Variants in GULP1 observed in about 807,000 individuals in gnomAD.
GULP1 encodes the protein GULP PTB domain containing engulfment adaptor 1.
Under a neutral mutation model 40.9 loss-of-function variants are expected in GULP1, and 19 were observed. The observed-to-expected ratio is 0.46, with a 90% CI of 0.32 to 0.68. GULP1 has a LOEUF of 0.68. Ranked by LOEUF, GULP1 falls within the 30% of genes least tolerant of loss-of-function variation. GULP1 has a pLI of 0.03. For missense variants in GULP1, 312 were observed against 362.2 expected, an observed-to-expected ratio of 0.86 and a Z score of 1.12; for synonymous variants, 119 against 117.6, an observed-to-expected ratio of 1.01 and a Z score of -0.08.
At chr2:188,568,383 A>G (rs1698279648) in intron 7 of GULP1, among the ~76,000 whole-genome samples, 1 of 152,190 alleles carries the variant, frequency 6.6e-6, no homozygotes, top group Admixed American at 6.5e-5. Context: ...AAGTAAATAA[A>G]TCTTTAGTCT....
intron 4 of GULP1, among the ~76,000 whole-genome samples, chr2:188,521,030 A>C (rs1559337703): frequency 6.6e-6 from 1 of 152,022 alleles, no homozygotes; most frequent in Non-Finnish European, 1.5e-5. Context: ...CCACTTATGG[A>C]ATTTTTGATG....
chr2:188,435,926 T>C (rs2057364761), intron 2 of GULP1, among the ~76,000 whole-genome samples: 1 of 152,122 alleles, frequency 6.6e-6, no homozygotes, highest in Admixed American at 6.6e-5. Flanking sequence ...GCCCAGTCCC[T>C]CTTTTAATGA....
intron 6 of GULP1, among the ~76,000 whole-genome samples, chr2:188,539,956 G>T (rs976549334): frequency 1.3e-5 from 2 of 151,992 alleles, no homozygotes; most frequent in Admixed American, 6.6e-5. Flanking sequence ...AGCACCCCAG[G>T]TATTTGTGCT....
At position 188,518,281 on chromosome 2, in the gene GULP1, A is replaced by G. The variant is rs1575736028; in HGVS notation, c.91-4475A>G. Among the ~76,000 whole-genome samples, 3 of 152,296 alleles carry G rather than the reference A, an allele frequency of 2.0e-5. No individual in the cohort carries two copies. In the South Asian group the frequency reaches 6.2e-4, roughly 32 times the overall value. ...GAGTAGAAAAAGCAGAGCCGACAAG[A>G]AGAAAAAATGAAGGAAGAGTAGACA... On this transcript the variant is annotated intron_variant, in intron 4 of 11. Transcript: ENST00000409830.
At chr2:188,376,788 C>A (rs1292317289) in intron 1 of GULP1, among the ~76,000 whole-genome samples, 1 of 152,152 alleles carries the variant, frequency 6.6e-6, no homozygotes, top group South Asian at 2.1e-4. Flanking sequence ...GTTGACATAT[C>A]TTTCCAGAAA....
chr2:188,502,144 G>C (rs559825586), intron 4 of GULP1, among the ~76,000 whole-genome samples: 1 of 151,804 alleles, frequency 6.6e-6, no homozygotes, highest in Non-Finnish European at 1.5e-5. Context: ...AGGCAATTGA[G>C]GAGGAAGGAT....
At chr2:188,587,725 C>G (rs1443448137) in intron 10 of GULP1, 130 bp from the exon 11 acceptor site, 1 of 594,246 alleles carries the variant, frequency 1.7e-6, no homozygotes, top group African/African-American at 1.9e-5. Context: ...GCCCAACATA[C>G]AGTGTAAGTG....
chr2:188,350,262 G>C (rs900291378), intron 1 of GULP1, among the ~76,000 whole-genome samples: 27 of 152,042 alleles, frequency 1.8e-4, no homozygotes, highest in African/African-American at 6.0e-4. Flanking sequence ...GATAAGGATT[G>C]CATTAGATCT....
chr2:188,447,718 A>G (rs148483803), intron 2 of GULP1, among the ~76,000 whole-genome samples: 2,260 of 152,218 alleles, frequency 0.015, 27 homozygotes, highest in Middle Eastern at 0.041. Context: ...GTGCATTGCT[A>G]GACACATGCT....
intron 2 of GULP1, among the ~76,000 whole-genome samples, chr2:188,403,522 C>T (rs964252019): frequency 1.3e-5 from 2 of 152,060 alleles, no homozygotes; most frequent in Non-Finnish European, 2.9e-5. Context: ...ACTTATACTT[C>T]AAATTCTTAG....
chr2:188,571,981 G>A (rs1026050379), intron 9 of GULP1, among the ~76,000 whole-genome samples: 1 of 152,138 alleles, frequency 6.6e-6, no homozygotes, highest in East Asian at 1.9e-4. Context: ...ACATTTGAGA[G>A]GAGCAAAGAG....
At chr2:188,537,039 C>T (rs1438741598) in intron 6 of GULP1, among the ~76,000 whole-genome samples, 4 of 151,576 alleles carry the variant, frequency 2.6e-5, no homozygotes, top group Admixed American at 1.3e-4. Context: ...TTTTATATCT[C>T]GAAACTTTAC....
chr2:188,320,564 T>C (rs1029732837), intron 1 of GULP1, among the ~76,000 whole-genome samples: 1 of 152,172 alleles, frequency 6.6e-6, no homozygotes, highest in Non-Finnish European at 1.5e-5. Flanking sequence ...TTTACAAAAA[T>C]GTATGCATTT....
chr2:188,547,183 T>C (rs1241762085), intron 7 of GULP1, among the ~76,000 whole-genome samples: 6 of 151,804 alleles, frequency 4.0e-5, no homozygotes, highest in Admixed American at 6.6e-5. Context: ...ACAGAAACAC[T>C]TTCTACTTCA....
chr2:188,555,311 T>C (rs1694473433), intron 7 of GULP1, among the ~76,000 whole-genome samples: 1 of 152,166 alleles, frequency 6.6e-6, no homozygotes, highest in African/African-American at 2.4e-5. Flanking sequence ...TCTTTACCAA[T>C]GAGTTTTATA....
chr2:188,580,156 T>A (rs553231029), intron 9 of GULP1, among the ~76,000 whole-genome samples: 11 of 152,344 alleles, frequency 7.2e-5, no homozygotes, highest in African/African-American at 2.6e-4. Context: ...AATTAAAAGG[T>A]GGCTACCAAG....
intron 2 of GULP1, among the ~76,000 whole-genome samples, chr2:188,393,849 A>G (rs1477056099): frequency 6.6e-6 from 1 of 152,110 alleles, no homozygotes; most frequent in Non-Finnish European, 1.5e-5. Context: ...ATAGATAGGA[A>G]CCAGTCCCTC....
intron 2 of GULP1, among the ~76,000 whole-genome samples, chr2:188,402,183 A>T (rs1160528690): frequency 6.6e-6 from 1 of 152,160 alleles, no homozygotes; most frequent in African/African-American, 2.4e-5. Flanking sequence ...ATGCCTTGTA[A>T]TAACTTTAAT....
At chr2:188,444,905 G>C (rs151122673) in intron 2 of GULP1, among the ~76,000 whole-genome samples, 69 of 152,230 alleles carry the variant, frequency 4.5e-4, no homozygotes, top group East Asian at 4.2e-3. Flanking sequence ...TTAGAATCTT[G>C]TGTAATAAAT....
Sources: gnomAD v4.1 joint callset for allele counts (sites outside exome capture counted in the v4.1 genomes callset) on GRCh38, gnomAD v4.1.1 for gene constraint, MANE v1.5 for transcripts, NCBI Gene and HGNC (gene_info 2026-07-23, HGNC 2026-07-21) for gene names.